Variants in RAMP3 observed in about 807,000 individuals in gnomAD.
RAMP3 encodes receptor activity modifying protein 3, also known as receptor activity-modifying protein 3.
A neutral mutation model predicts 13.5 loss-of-function variants in RAMP3; 14 were observed. The observed-to-expected ratio is 1.04, with a 90% confidence interval of 0.69 to 1.63. RAMP3 has a LOEUF of 1.63. Ranked by LOEUF, RAMP3 falls within the 40% of genes most tolerant of loss-of-function variation. RAMP3 has a pLI of 0.00. For synonymous variants in RAMP3, 106 were observed against 88.3 expected (o/e 1.20, Z -1.12); for missense variants, 200 against 204.8 (o/e 0.98, Z 0.14).
chr7:45,183,075 C>G, intron 2 of RAMP3, 82 bp from the exon 3 acceptor site: 5 of 1,567,432 alleles, frequency 3.2e-6, no homozygotes, highest in Non-Finnish European at 4.3e-6. Flanking sequence ...CAAGCCACCC[C>G]ACCCATCTTC....
rs114882592 is a variant in RAMP3 at position 45,160,407 on chromosome 7, T to C, written c.58+2521T>C. Among the ~76,000 whole-genome samples the C allele has an allele frequency of 9.5e-3, 1,153 of 120,758 alleles. 13 individuals are homozygous for C. Among genetic ancestry groups the C allele is most frequent in the African/African-American group, 0.033 (1,096 of 33,354 alleles). The allele number at this position is 120,758 out of a possible 152,430, so 79.2% of individuals were successfully genotyped here. A position where few individuals can be genotyped will look rare whatever the true frequency, so the allele number is the denominator to read the frequency against. ...TGGTGATTGGCCAAGAAGAGGCCCA[T>C]AGATTTTTGGCACTGGAGGTTCCTT... On this transcript the variant is annotated intron_variant, in intron 1 of 2. Coordinates refer to ENST00000242249, the MANE Select transcript of RAMP3 (RefSeq NM_005856.3).
rs1786352800 is a variant in RAMP3 at position 45,183,168 on chromosome 7, G to C, written c.203G>C (p.Ser68Thr). 3 of 1,611,502 alleles carry C rather than the reference G, an allele frequency of 1.9e-6. No homozygotes were observed. The East Asian group carries it at 6.7e-5, about 36-fold the overall frequency. The change falls in exon 3 of 3, where the codon AGT becomes ACT. Residue 68 changes from serine (S) to threonine (T), a missense_variant. Coordinates refer to ENST00000242249, the MANE Select transcript of RAMP3 (RefSeq NM_005856.3). ...NLSEFIVYYE[S>T]FTNCTEMEAN... The stretch of plus-strand genomic sequence containing the variant: ...CTCTGCTTTTGCAGGTACTATGAGA[G>C]TTTCACCAACTGCACCGAGATGGAG...
chr7:45,171,840 C>T (rs1172315391), intron 1 of RAMP3, among the ~76,000 whole-genome samples: 1 of 152,222 alleles, frequency 6.6e-6, no homozygotes, highest in Non-Finnish European at 1.5e-5. Flanking sequence ...ATCCCTTCTG[C>T]AACAGCTATG....
chr7:45,168,406 C>CAAAAAA (rs71030854), intron 1 of RAMP3, among the ~76,000 whole-genome samples: 1,446 of 69,744 alleles, frequency 0.021, 25 homozygotes, highest in African/African-American at 0.036. Context: ...ACTCTGTTTC[C>CAAAAAA]AAAAAAAAAA....
chr7:45,166,024 A>AATTTAGGAG (rs1186482367), intron 1 of RAMP3, among the ~76,000 whole-genome samples: 1 of 152,160 alleles, frequency 6.6e-6, no homozygotes, highest in Non-Finnish European at 1.5e-5. Flanking sequence ...GTGCGGTATA[A>AATTTAGGAG]ATTTAGGAGT....
intron 1 of RAMP3, among the ~76,000 whole-genome samples, chr7:45,170,605 G>A (rs1786060866): frequency 6.6e-6 from 1 of 150,932 alleles, no homozygotes; most frequent in Admixed American, 6.6e-5. Flanking sequence ...CCAAAGTGCT[G>A]GGATTACAGG....
At chr7:45,175,630 C>A (rs1786167044) in intron 1 of RAMP3, among the ~76,000 whole-genome samples, 1 of 152,172 alleles carries the variant, frequency 6.6e-6, no homozygotes, top group Non-Finnish European at 1.5e-5. Context: ...AGCTGGCAAG[C>A]CCTTTTGTGT....
chr7:45,160,957 A>G (rs55849813), intron 1 of RAMP3, among the ~76,000 whole-genome samples: 46,906 of 152,190 alleles, frequency 0.31, 9,290 homozygotes, highest in African/African-American at 0.56. Context: ...CCTCATGTGC[A>G]CTAGAAATGA....
chr7:45,175,531 A>C (rs1371644021), intron 1 of RAMP3, among the ~76,000 whole-genome samples: 1 of 152,190 alleles, frequency 6.6e-6, no homozygotes, highest in East Asian at 1.9e-4. Context: ...GGCCCTTCTC[A>C]GTGCTGTCAG....
chr7:45,170,705 G>A (rs1007329512), intron 1 of RAMP3, among the ~76,000 whole-genome samples: 9 of 152,136 alleles, frequency 5.9e-5, no homozygotes, highest in Non-Finnish European at 1.2e-4. Flanking sequence ...GAGTGCAATG[G>A]TGTGATCATG....
chr7:45,176,104 A>G (rs901534731), intron 1 of RAMP3, among the ~76,000 whole-genome samples: 1 of 152,134 alleles, frequency 6.6e-6, no homozygotes, highest in Non-Finnish European at 1.5e-5. Flanking sequence ...GGTGGCACTG[A>G]GCATTTCAGA....
intron 1 of RAMP3, among the ~76,000 whole-genome samples, chr7:45,174,368 C>G (rs1265078608): frequency 6.6e-6 from 1 of 152,182 alleles, no homozygotes; most frequent in Non-Finnish European, 1.5e-5. Flanking sequence ...TCAGCAAGCC[C>G]TCATGTGTGC....
intron 1 of RAMP3, among the ~76,000 whole-genome samples, chr7:45,159,030 C>T (rs1301016822): frequency 6.6e-6 from 1 of 152,228 alleles, no homozygotes; most frequent in Non-Finnish European, 1.5e-5. Flanking sequence ...CCTCTCAATT[C>T]ATTCTGGGAG....
chr7:45,165,434 C>A (rs1259300516), intron 1 of RAMP3, among the ~76,000 whole-genome samples: 1 of 152,200 alleles, frequency 6.6e-6, no homozygotes, highest in African/African-American at 2.4e-5. Flanking sequence ...TTCTGATAGG[C>A]TTTCCTAAAC....
rs1457732341 is a variant in RAMP3, at chr7:45,157,811, A to T, written c.-18A>T. 8.2e-7 allele frequency: 1 copy of T among 1,215,740 alleles called. No individual in the cohort carries two copies. The allele number at this position is 1,215,740 out of a possible 1,614,324, so 75.3% of individuals were successfully genotyped here. On this transcript the variant is annotated 5_prime_UTR_variant, in exon 1 of 3. Coordinates refer to ENST00000242249, the MANE Select transcript of RAMP3 (RefSeq NM_005856.3). The stretch of plus-strand genomic sequence containing the variant: ...CCCCCAGCGGGACCGAGCGTGACCC[A>T]GCTGCGGCCGGCCAGCCATGGAGAC...
chr7:45,183,137 C>T lies in RAMP3; in HGVS notation c.192-20C>T. 6.2e-7 allele frequency: 1 copy of T among 1,605,880 alleles called. No homozygotes were observed. The highest frequency in any genetic ancestry group is 8.5e-7 in the Non-Finnish European group (1 of 1,178,744). On this transcript the variant is annotated intron_variant, in intron 2 of 2. Coordinates refer to ENST00000242249, the MANE Select transcript of RAMP3 (RefSeq NM_005856.3). ...GGGGGGATGGCGAGAGCCTGGCTTTCACCCCCTCTGCTTTTGCAGGTACTA... is the reference window on the plus strand; with the variant it reads ...GGGGGGATGGCGAGAGCCTGGCTTTTACCCCCTCTGCTTTTGCAGGTACTA...
In RAMP3 at chr7:45,183,177, A is replaced by G. The variant is rs766959035; in HGVS notation, c.212A>G (p.Asn71Ser). The G allele has an allele frequency of 3.7e-6, 6 of 1,611,674 alleles. No individual in the cohort carries two copies. In the South Asian group the frequency reaches 5.5e-5, roughly 15 times the overall value. The part of the protein sequence containing the change: ...EFIVYYESFT[N>S]CTEMEANVVG... ...TGCAGGTACTATGAGAGTTTCACCAACTGCACCGAGATGGAGGCCAATGTC... is the reference window on the plus strand; with the variant it reads ...TGCAGGTACTATGAGAGTTTCACCAGCTGCACCGAGATGGAGGCCAATGTC... Residue 71 changes from asparagine to serine, a missense_variant, in exon 3 of 3, where the codon AAC becomes AGC. Physicochemically the swap from Asn to Ser is conservative, Grantham distance 46 (BLOSUM62 1). Transcript: ENST00000242249.
At position 45,177,558 on chromosome 7, in the gene RAMP3, A is replaced by C; in HGVS notation, c.191+117A>C. 1.4e-6 allele frequency: 2 copies of C among 1,475,886 alleles called. 1 individual carries two copies. The highest frequency in any genetic ancestry group is 1.8e-6 in the Non-Finnish European group (2 of 1,085,268). 91.4% of individuals were successfully genotyped at this position (1,475,886 alleles called of 1,614,324 possible). A position where few individuals can be genotyped will look rare whatever the true frequency, so the allele number is the denominator to read the frequency against. On this transcript the variant is annotated intron_variant, in intron 2 of 2. Transcript: ENST00000242249. ...CCAAGGCCTCACCCATGCCTCACCC[A>C]CAACCCACCGTAGGCCACCCACAGC...
Position 45,183,238 on chromosome 7 carries a change from C to T in RAMP3, c.273C>T (p.Gly91=). Residue 91 remains glycine (G), a synonymous_variant, in exon 3 of 3, where the codon GGC becomes GGT. Coordinates refer to ENST00000242249, the MANE Select transcript of RAMP3 (RefSeq NM_005856.3). ...ACTGGCCCAACCCCCTGGCCCAGGG[C>T]TTCATCACCGGCATCCACAGGCAGT... is the stretch of plus-strand genomic sequence containing the variant. ...GCYWPNPLAQ[G]FITGIHRQFF... 6.2e-7 allele frequency: 1 copy of T among 1,613,926 alleles called. No homozygotes were observed. The highest frequency in any genetic ancestry group is 8.5e-7 in the Non-Finnish European group (1 of 1,180,012).
Sources: gnomAD v4.1 joint callset for allele counts (sites outside exome capture counted in the v4.1 genomes callset) on GRCh38, gnomAD v4.1.1 for gene constraint, MANE v1.5 for transcripts, NCBI Gene and HGNC (gene_info 2026-07-23, HGNC 2026-07-21) for gene names.